COMMD1: variants seen among roughly 807,000 people sequenced by gnomAD.
COMMD1 encodes the protein COMM domain-containing protein 1.
A neutral mutation model predicts 17.2 loss-of-function variants in COMMD1; 10 were observed. The observed-to-expected ratio is 0.58, with a 90% confidence interval of 0.36 to 0.99. COMMD1 has a LOEUF of 0.99. Ranked by LOEUF, COMMD1 falls within the 50% of genes least tolerant of loss-of-function variation. The probability of loss-of-function intolerance (pLI) is 0.01; values close to 1 mark genes in which losing one functional copy is unlikely to be tolerated. For synonymous variants in COMMD1, 97 were observed against 91.6 expected (o/e 1.06, Z -0.34); for missense variants, 270 against 231.8 (o/e 1.17, Z -1.07).
At chr2:61,951,796 C>T (rs1671061841) in intron 1 of COMMD1, among the ~76,000 whole-genome samples, 1 of 152,162 alleles carries the variant, frequency 6.6e-6, no homozygotes, top group Admixed American at 6.5e-5. Flanking sequence ...GCCCTTGATT[C>T]TCCCCAAACC....
upstream of COMMD1, chr2:61,888,619 A>G (rs1669321740): frequency 6.8e-6 from 9 of 1,316,284 alleles, no homozygotes; most frequent in Non-Finnish European, 9.1e-6. Flanking sequence ...CCTTCCAGAA[A>G]GCGGCGCCGG....
At chr2:62,009,996 T>G (rs981656256) in intron 2 of COMMD1, among the ~76,000 whole-genome samples, 10 of 152,170 alleles carry the variant, frequency 6.6e-5, no homozygotes, top group African/African-American at 2.4e-4. Context: ...ACTTACCAGT[T>G]GAAAAGTAGA....
chr2:62,037,912 C>T (rs1178495797), intron 2 of COMMD1, among the ~76,000 whole-genome samples: 1 of 152,202 alleles, frequency 6.6e-6, no homozygotes, highest in African/African-American at 2.4e-5. Context: ...AGTCACTTAA[C>T]ATATTTTTCT....
intron 2 of COMMD1, among the ~76,000 whole-genome samples, chr2:62,054,566 G>GC (rs1207033809): frequency 1.3e-5 from 2 of 152,206 alleles, no homozygotes; most frequent in Non-Finnish European, 2.9e-5. Context: ...GTCATTTGCA[G>GC]CAAGAACTGG....
At chr2:61,961,625 A>T (rs987133991) in intron 1 of COMMD1, among the ~76,000 whole-genome samples, 2 of 152,108 alleles carry the variant, frequency 1.3e-5, no homozygotes, top group African/African-American at 4.8e-5. Context: ...TTTATTGGAT[A>T]ATTTCCTCTA....
At chr2:62,000,293 G>A (rs1342121192) in intron 1 of COMMD1, among the ~76,000 whole-genome samples, 2 of 134,766 alleles carry the variant, frequency 1.5e-5, no homozygotes, top group African/African-American at 5.7e-5. Flanking sequence ...TTTTTTTTGA[G>A]ACAGGGTCTC....
chr2:61,891,470 T>C (rs1411901300), intron 1 of COMMD1, among the ~76,000 whole-genome samples: 1 of 152,154 alleles, frequency 6.6e-6, no homozygotes, highest in Non-Finnish European at 1.5e-5. Flanking sequence ...GCGTGGTGGC[T>C]CACACTTGTA....
At chr2:62,075,104 G>T (rs752569067) in intron 2 of COMMD1, among the ~76,000 whole-genome samples, 1 of 151,870 alleles carries the variant, frequency 6.6e-6, no homozygotes, top group Non-Finnish European at 1.5e-5. Context: ...GACCAGGCTG[G>T]TCTCAAACCC....
chr2:61,999,663 C>T (rs1668867649), intron 1 of COMMD1, among the ~76,000 whole-genome samples: 2 of 151,990 alleles, frequency 1.3e-5, no homozygotes, highest in South Asian at 4.1e-4. Flanking sequence ...TCCTGGGCTC[C>T]AGCTGTCCTC....
intron 2 of COMMD1, chr2:62,070,114 G>A (rs1443309616): frequency 1.3e-5 from 2 of 152,198 alleles, no homozygotes; most frequent in Non-Finnish European, 2.9e-5. Flanking sequence ...GCTATAAATT[G>A]GAGGGATCCC....
At chr2:62,022,837 C>T (rs1669646844) in intron 2 of COMMD1, among the ~76,000 whole-genome samples, 2 of 152,054 alleles carry the variant, frequency 1.3e-5, no homozygotes, top group Non-Finnish European at 2.9e-5. Flanking sequence ...AGCCAGGGAT[C>T]GTTTAGAGTC....
intron 2 of COMMD1, among the ~76,000 whole-genome samples, chr2:62,078,903 G>A (rs962604241): frequency 2.6e-5 from 4 of 151,860 alleles, no homozygotes; most frequent in African/African-American, 7.3e-5. Context: ...AAGAATTGTG[G>A]TGACCAAAGT....
intron 2 of COMMD1, among the ~76,000 whole-genome samples, chr2:62,092,842 G>C (rs1303187981): frequency 6.6e-6 from 1 of 152,168 alleles, no homozygotes; most frequent in African/African-American, 2.4e-5. Context: ...TAATGTTTTT[G>C]AAAAGGAGCG....
chr2:62,126,965 A>C (rs1009384770), intron 2 of COMMD1, among the ~76,000 whole-genome samples: 8 of 152,212 alleles, frequency 5.3e-5, no homozygotes, highest in Non-Finnish European at 1.0e-4. Context: ...ACATGATCCT[A>C]TATCTAGAAA....
intron 1 of COMMD1, among the ~76,000 whole-genome samples, chr2:61,938,641 T>G (rs1024214854): frequency 3.4e-4 from 52 of 152,184 alleles, no homozygotes; most frequent in African/African-American, 1.2e-3. Context: ...CTTTTTCTGC[T>G]TTATGCCCCT....
At chr2:61,974,417 T>TA (rs1398832590) in intron 1 of COMMD1, among the ~76,000 whole-genome samples, 1 of 152,118 alleles carries the variant, frequency 6.6e-6, no homozygotes, top group Non-Finnish European at 1.5e-5. Context: ...CTCACGCCTG[T>TA]AATCCCAGCA....
At chr2:61,999,391 GTAT>G (rs1448023250) in intron 1 of COMMD1, among the ~76,000 whole-genome samples, 1 of 152,144 alleles carries the variant, frequency 6.6e-6, no homozygotes, top group African/African-American at 2.4e-5. Flanking sequence ...TTTCACAGTA[GTAT>G]TATTGTGAAT....
chr2:62,122,277 T>C (rs1325024286), intron 2 of COMMD1, among the ~76,000 whole-genome samples: 8 of 152,230 alleles, frequency 5.3e-5, no homozygotes, highest in Non-Finnish European at 8.8e-5. Flanking sequence ...CAGGTATTTC[T>C]AATTAGTTCC....
chr2:62,125,646 T>G (rs1402524493), intron 2 of COMMD1, among the ~76,000 whole-genome samples: 1 of 152,210 alleles, frequency 6.6e-6, no homozygotes, highest in Non-Finnish European at 1.5e-5. Flanking sequence ...TGTCACAAAT[T>G]TTCTTTTTGT....
Sources: gnomAD v4.1 joint callset for allele counts (sites outside exome capture counted in the v4.1 genomes callset) on GRCh38, gnomAD v4.1.1 for gene constraint, MANE v1.5 for transcripts, NCBI Gene and HGNC (gene_info 2026-07-23, HGNC 2026-07-21) for gene names.